HECTD2: variants seen among roughly 807,000 people sequenced by gnomAD.
The protein encoded by HECTD2 is HECT domain E3 ubiquitin protein ligase 2.
A neutral mutation model predicts 103.2 loss-of-function variants in HECTD2; 35 were observed. That is an observed-to-expected ratio of 0.34 (90% confidence interval 0.26 to 0.45). The LOEUF is 0.45. Ranked by LOEUF, HECTD2 falls within the 20% of genes least tolerant of loss-of-function variation. The pLI is 1.00. For missense variants in HECTD2, 596 were observed against 937.4 expected (o/e 0.64, Z 4.76); for synonymous variants, 281 against 329.9 (o/e 0.85, Z 1.61).
intron 1 of HECTD2, among the ~76,000 whole-genome samples, chr10:91,411,326 G>A (rs1250880807): frequency 2.0e-5 from 3 of 152,008 alleles, no homozygotes; most frequent in African/African-American, 7.3e-5. Context: ...TTTACTGGTG[G>A]TTGTGACTGG....
chr10:91,489,463 G>A (rs1846387474), intron 11 of HECTD2: 1 of 152,194 alleles, frequency 6.6e-6, no homozygotes. Flanking sequence ...CAGTCACAGT[G>A]TCAAGAATTG....
intron 20 of HECTD2, among the ~76,000 whole-genome samples, chr10:91,504,070 T>C (rs1032873893): frequency 6.6e-6 from 1 of 152,090 alleles, no homozygotes; most frequent in African/African-American, 2.4e-5. Context: ...GAGGGTCCTG[T>C]CTGTTAGAAG....
At chr10:91,498,006 T>TA (rs1174128216) in intron 15 of HECTD2, 102 bp from the exon 16 acceptor site, 2 of 735,010 alleles carry the variant, frequency 2.7e-6, no homozygotes, top group Non-Finnish European at 4.8e-6. Flanking sequence ...ACATGTCAAA[T>TA]ATGATCTTTA....
At chr10:91,475,924 G>A (rs375613282) in intron 5 of HECTD2, among the ~76,000 whole-genome samples, 7 of 152,126 alleles carry the variant, frequency 4.6e-5, no homozygotes, top group Admixed American at 2.6e-4. Context: ...CTGGAGGTGG[G>A]GACCTGAGGG....
chr10:91,487,229 A>G lies in HECTD2; in HGVS notation c.1095-453A>G, dbSNP rs1589534101. ...AAATATATTACTTTACTTTTTACAT[A>G]CTGTAGTTATTGTTAGATTTTTTCA... On this transcript the variant is annotated intron_variant, in intron 10 of 20. Coordinates refer to ENST00000298068, the MANE Select transcript of HECTD2 (RefSeq NM_182765.6). The surrounding 1 kb of genome is among the most constrained non-coding windows in gnomAD (Gnocchi z 4.1). 5.6e-6 allele frequency: 1 copy of G among 177,224 alleles called. No individual in the cohort carries two copies. The highest frequency in any genetic ancestry group is 1.2e-5 in the Non-Finnish European group (1 of 81,890). The allele number at this position is 177,224 out of a possible 1,614,324, so 11.0% of individuals were successfully genotyped here. A position where few individuals can be genotyped will look rare whatever the true frequency, so the allele number is the denominator to read the frequency against.
intron 20 of HECTD2, among the ~76,000 whole-genome samples, chr10:91,512,023 G>A (rs775532513): frequency 5.3e-5 from 8 of 152,148 alleles, no homozygotes; most frequent in Non-Finnish European, 1.0e-4. Flanking sequence ...TCTTAAATGA[G>A]TTTCATGAAA....
chr10:91,426,759 T>C (rs929723438), intron 2 of HECTD2, among the ~76,000 whole-genome samples: 4 of 151,912 alleles, frequency 2.6e-5, no homozygotes, highest in African/African-American at 9.7e-5. Context: ...CTCAATATGG[T>C]CCACTTATTT....
intron 2 of HECTD2, among the ~76,000 whole-genome samples, chr10:91,428,974 T>G (rs1333747614): frequency 6.6e-6 from 1 of 152,138 alleles, no homozygotes; most frequent in Non-Finnish European, 1.5e-5. Context: ...AAGGGAATGC[T>G]TCCAGTTTTT....
At chr10:91,459,691 G>A (rs900457155) in intron 2 of HECTD2, among the ~76,000 whole-genome samples, 8 of 152,042 alleles carry the variant, frequency 5.3e-5, no homozygotes, top group East Asian at 1.9e-4. Context: ...TACAGAGGAC[G>A]TAAGTGCATA....
rs769099709 is a variant in HECTD2, at chr10:91,499,087, C to G, written c.1887C>G (p.Ile629Met). The change falls in exon 18 of 21, where the codon ATC (isoleucine) becomes ATG (methionine). Residue 629 changes from isoleucine to methionine, a missense_variant. Coordinates refer to ENST00000298068, the MANE Select transcript of HECTD2 (RefSeq NM_182765.6). ...CTGACTTCCTTCTGAACAAATCCATCTATAAGCAGTTTGCTGCATTTTATT... is the reference window on the plus strand; with the variant it reads ...CTGACTTCCTTCTGAACAAATCCATGTATAAGCAGTTTGCTGCATTTTATT... Reference protein sequence around the residue: ...LYTDFLLNKSIYKQFAAFYYG... With the variant: ...LYTDFLLNKSMYKQFAAFYYG... 1 of 1,612,898 alleles carries G rather than the reference C, an allele frequency of 6.2e-7. No individual in the cohort carries two copies. The highest frequency in any genetic ancestry group is 1.3e-5 in the African/African-American group (1 of 74,900).
chr10:91,498,990 A>G (rs1176266391), intron 17 of HECTD2, 31 bp downstream of exon 17: 1 of 1,555,442 alleles, frequency 6.4e-7, no homozygotes. Context: ...ATTAAAATGA[A>G]TTAGTATTTG....
chr10:91,451,393 A>T (rs1157614245), intron 2 of HECTD2, among the ~76,000 whole-genome samples: 1 of 152,082 alleles, frequency 6.6e-6, no homozygotes, highest in Non-Finnish European at 1.5e-5. Context: ...CAGGGGAGGG[A>T]TAGCATTAGG....
chr10:91,425,650 TAAATA>T (rs886324743), intron 2 of HECTD2, among the ~76,000 whole-genome samples: 8 of 150,798 alleles, frequency 5.3e-5, no homozygotes, highest in Admixed American at 5.3e-4. Flanking sequence ...GGCTACATTA[TAAATA>T]AAATAATATA....
Position 91,422,662 on chromosome 10 carries a change from G to A in HECTD2, c.139-2619G>A, listed in dbSNP as rs554645926. Reference sequence around the variant, plus strand: ...TTCCTAATCAACACACTAGTTTTGTGTACCTGAACAAACTGCTTTAATTTA... The same window carrying A: ...TTCCTAATCAACACACTAGTTTTGTATACCTGAACAAACTGCTTTAATTTA... On this transcript the variant is annotated intron_variant, in intron 1 of 20. Coordinates refer to ENST00000298068, the MANE Select transcript of HECTD2 (RefSeq NM_182765.6). Among the ~76,000 whole-genome samples, 3 of 152,162 alleles carry A rather than the reference G, an allele frequency of 2.0e-5. No individual in the cohort carries two copies. In the South Asian group the frequency reaches 6.2e-4, roughly 32 times the overall value.
At chr10:91,419,370 A>G (rs942909223) in intron 1 of HECTD2, among the ~76,000 whole-genome samples, 2 of 152,068 alleles carry the variant, frequency 1.3e-5, no homozygotes, top group African/African-American at 4.8e-5. Context: ...ATTTAAAATA[A>G]GGTTGAAAAT....
chr10:91,440,785 T>G (rs1178768320), intron 2 of HECTD2, among the ~76,000 whole-genome samples: 8 of 30,116 alleles, frequency 2.7e-4, no homozygotes, highest in African/African-American at 1.0e-3. Flanking sequence ...GAGATTCGAC[T>G]TCTTCCTGGT....
In HECTD2 at chr10:91,410,492, G is replaced by A. The variant is rs769331308; in HGVS notation, c.54G>A (p.Ala18=). ...PSPATPLVVA[A]PAPEERKGKE... ...CCGCCACTCCGCTGGTGGTGGCGGC[G>A]CCCGCGCCTGAGGAGAGGAAAGGGA... The change falls in exon 1 of 21, where the codon GCG becomes GCA. Residue 18 remains alanine, a synonymous_variant. Coordinates refer to ENST00000298068, the MANE Select transcript of HECTD2 (RefSeq NM_182765.6). The A allele has an allele frequency of 2.1e-5, 31 of 1,467,410 alleles. No individual in the cohort carries two copies. Among genetic ancestry groups the A allele is most frequent in the South Asian group, 1.6e-4 (12 of 77,066 alleles). 90.9% of individuals were successfully genotyped at this position (1,467,410 alleles called of 1,614,324 possible).
intron 5 of HECTD2, among the ~76,000 whole-genome samples, chr10:91,474,986 G>A (rs1845852740): frequency 6.6e-6 from 1 of 152,182 alleles, no homozygotes; most frequent in Admixed American, 6.5e-5. Context: ...AACACAATTG[G>A]CAAATTCAGA....
At chr10:91,497,046 G>A (rs945268554) in intron 15 of HECTD2, among the ~76,000 whole-genome samples, 9 of 148,466 alleles carry the variant, frequency 6.1e-5, no homozygotes, top group African/African-American at 1.7e-4. Context: ...TGCAACCTCC[G>A]CCTCCTGGGT....
Sources: gnomAD v4.1 joint callset for allele counts (sites outside exome capture counted in the v4.1 genomes callset) on GRCh38, gnomAD v4.1.1 for gene constraint, Gnocchi (gnomAD v3.1) non-coding constraint, MANE v1.5 for transcripts, NCBI Gene and HGNC (gene_info 2026-07-23, HGNC 2026-07-21) for gene names.